STXBP5: variants seen among roughly 807,000 people sequenced by gnomAD.
STXBP5 encodes the protein syntaxin binding protein 5.
A neutral mutation model predicts 152.4 loss-of-function variants in STXBP5; 50 were observed. That is an observed-to-expected ratio of 0.33 (90% CI 0.26 to 0.42). The LOEUF (loss-of-function observed/expected upper bound fraction) is 0.42. STXBP5 is among the 10% of genes least tolerant of loss of function. The pLI, the probability that STXBP5 is intolerant of heterozygous loss-of-function variation, is 1.00. For synonymous variants in STXBP5, 492 were observed against 494.7 expected (o/e 0.99, Z 0.07); for missense variants, 1,167 against 1,388.6 (o/e 0.84, Z 2.54).
chr6:147,324,540 G>T (rs2128384589), intron 16 of STXBP5, among the ~76,000 whole-genome samples: 1 of 152,072 alleles, frequency 6.6e-6, no homozygotes, highest in East Asian at 1.9e-4. Context: ...AAAGTGCTGG[G>T]ATTACAGGCG....
chr6:147,309,610 G>C (rs1322280622), intron 9 of STXBP5, among the ~76,000 whole-genome samples: 1 of 152,104 alleles, frequency 6.6e-6, no homozygotes, highest in African/African-American at 2.4e-5. Context: ...GGCATGATTT[G>C]AGTGACTTCG....
rs1782271822 is a variant in STXBP5, at chr6:147,309,745, C to T, written c.918-339C>T. Among the ~76,000 whole-genome samples the T allele has an allele frequency of 2.0e-5, 3 of 151,796 alleles. No individual in the cohort carries two copies. In the South Asian group the frequency reaches 6.3e-4, roughly 32 times the overall value. ...TCTGTGGGAGCTTCTATTGAGAAGG[C>T]CTGGTTAGGATTGGAAGTCAAAGCA... is the stretch of plus-strand genomic sequence containing the variant. On this transcript the variant is annotated intron_variant, in intron 9 of 27. Coordinates refer to ENST00000321680, the MANE Select transcript of STXBP5 (RefSeq NM_001127715.4).
chr6:147,346,384 C>T (rs1327529416), intron 21 of STXBP5, among the ~76,000 whole-genome samples: 1 of 152,092 alleles, frequency 6.6e-6, no homozygotes, highest in Non-Finnish European at 1.5e-5. Context: ...AGTGGTCTTG[C>T]CATCAAGGAG....
At position 147,363,620 on chromosome 6, in the gene STXBP5, T is replaced by G. The variant is rs778139463; in HGVS notation, c.2831T>G (p.Phe944Cys). The part of the protein sequence containing the change: ...AYKQNITETS[F>C]VLRGDIVALS... ...AAGCAAAATATTACAGAGACCTCGT[T>G]TGTGCTTCGTGGAGATATTGTAGCA... is the stretch of plus-strand genomic sequence containing the variant. Residue 944 changes from phenylalanine to cysteine, a missense_variant, in exon 24 of 28, where the codon TTT (phenylalanine) becomes TGT (cysteine). By Grantham distance (205) the Phe-to-Cys change is radical. Coordinates refer to ENST00000321680, the MANE Select transcript of STXBP5 (RefSeq NM_001127715.4). The G allele has an allele frequency of 6.2e-7, 1 of 1,614,158 alleles. No individual in the cohort carries two copies. Among genetic ancestry groups the G allele is most frequent in the South Asian group, 1.1e-5 (1 of 91,082 alleles).
intron 8 of STXBP5, among the ~76,000 whole-genome samples, chr6:147,288,121 C>T (rs1781084908): frequency 6.6e-6 from 1 of 152,102 alleles, no homozygotes; most frequent in African/African-American, 2.4e-5. Flanking sequence ...GTTCCATTTG[C>T]CTCAACTGAA....
intron 4 of STXBP5, among the ~76,000 whole-genome samples, chr6:147,256,216 G>A (rs1779355514): frequency 6.6e-6 from 1 of 152,210 alleles, no homozygotes; most frequent in African/African-American, 2.4e-5. Flanking sequence ...TGCTCCATAA[G>A]TGTCTTCTAC....
At chr6:147,254,318 A>C (rs1779249663) in intron 4 of STXBP5, among the ~76,000 whole-genome samples, 1 of 152,232 alleles carries the variant, frequency 6.6e-6, no homozygotes, top group Non-Finnish European at 1.5e-5. Flanking sequence ...ATTTTAATGT[A>C]AGACCTAAAA....
At chr6:147,346,320 A>T (rs554041771) in intron 21 of STXBP5, among the ~76,000 whole-genome samples, 1 of 152,340 alleles carries the variant, frequency 6.6e-6, no homozygotes, top group South Asian at 2.1e-4. Flanking sequence ...TACAGAGTAC[A>T]AGCCAGGAGG....
At chr6:147,251,331 CCCT>C (rs57778425) in intron 4 of STXBP5, among the ~76,000 whole-genome samples, 79,169 of 151,810 alleles carry the variant, frequency 0.52, 21,189 homozygotes, top group East Asian at 0.72. Flanking sequence ...GCCAACAGGG[CCCT>C]CCTGGGTTTC....
intron 21 of STXBP5, among the ~76,000 whole-genome samples, chr6:147,340,581 A>G (rs1784045387): frequency 6.6e-6 from 1 of 152,210 alleles, no homozygotes; most frequent in South Asian, 2.1e-4. Flanking sequence ...TTGTCATATT[A>G]TGCAAAAAGA....
intron 2 of STXBP5, among the ~76,000 whole-genome samples, chr6:147,230,071 G>A (rs1777917204): frequency 6.6e-6 from 1 of 151,804 alleles, no homozygotes; most frequent in African/African-American, 2.4e-5. Flanking sequence ...AATGATAAAA[G>A]GGTGTTGATT....
Position 147,389,406 on chromosome 6 carries a change from TAC to T in STXBP5, c.*4653_*4654del. The T allele has an allele frequency of 6.6e-6, 1 of 151,974 alleles. No individual in the cohort carries two copies. The highest frequency in any genetic ancestry group is 2.4e-5 in the African/African-American group (1 of 41,544). 9.4% of individuals were successfully genotyped at this position (151,974 alleles called of 1,614,324 possible). A position where few individuals can be genotyped will look rare whatever the true frequency, so the allele number is the denominator to read the frequency against. On this transcript the variant is annotated 3_prime_UTR_variant, in exon 28 of 28. Transcript: ENST00000321680. ...TAACATTGCTTTCTTCAGTTATTAATACAGTCAAATTAATTTTAACAATATAG... is the reference window on the plus strand; with the variant it reads ...TAACATTGCTTTCTTCAGTTATTAATAGTCAAATTAATTTTAACAATATAG...
intron 18 of STXBP5, among the ~76,000 whole-genome samples, chr6:147,333,105 G>A (rs1783659904): frequency 6.6e-6 from 1 of 152,142 alleles, no homozygotes; most frequent in Admixed American, 6.5e-5. Context: ...AAGAGTACAT[G>A]TATATAAACA....
chr6:147,371,926 A>G (rs1785558699), intron 25 of STXBP5, among the ~76,000 whole-genome samples: 1 of 152,142 alleles, frequency 6.6e-6, no homozygotes, highest in Non-Finnish European at 1.5e-5. Context: ...AATTTAATAC[A>G]TATAGTTTAA....
At chr6:147,295,175 C>G (rs1214993291) in intron 9 of STXBP5, among the ~76,000 whole-genome samples, 2 of 152,168 alleles carry the variant, frequency 1.3e-5, no homozygotes, top group African/African-American at 2.4e-5. Flanking sequence ...CTACTTTACA[C>G]TTTTCTTTTC....
At chr6:147,316,481 A>G (rs139283028) in intron 16 of STXBP5, 74 bp downstream of exon 16, 7 of 1,282,738 alleles carry the variant, frequency 5.5e-6, no homozygotes, top group South Asian at 4.4e-5. Flanking sequence ...CATTAGAGCT[A>G]TGGTAACATT....
rs1311061331 is a variant in STXBP5, at chr6:147,330,454, A to G, written c.2080+3178A>G. Among the ~76,000 whole-genome samples, 4 of 152,158 alleles carry G rather than the reference A, an allele frequency of 2.6e-5. No homozygotes were observed. The East Asian group carries it at 5.8e-4, about 22-fold the overall frequency. ...TCCTTTATGTAAATGAGGCAGACCA[A>G]GCAATAATAAAAAGAATATCAAGAT... On this transcript the variant is annotated intron_variant, in intron 18 of 27. Transcript: ENST00000321680.
chr6:147,371,989 G>A (rs559441732), intron 25 of STXBP5, among the ~76,000 whole-genome samples: 1 of 152,156 alleles, frequency 6.6e-6, no homozygotes, highest in South Asian at 2.1e-4. Context: ...GCCTAAAATT[G>A]CCTTTGTTAT....
intron 27 of STXBP5, 87 bp from the exon 28 acceptor site, chr6:147,384,627 A>C: frequency 7.4e-7 from 1 of 1,345,174 alleles, no homozygotes; most frequent in Admixed American, 1.8e-5. Context: ...AGAATGACAT[A>C]ATGTTTTGGA....
Sources: gnomAD v4.1 joint callset for allele counts (sites outside exome capture counted in the v4.1 genomes callset) on GRCh38, gnomAD v4.1.1 for gene constraint, MANE v1.5 for transcripts, NCBI Gene and HGNC (gene_info 2026-07-23, HGNC 2026-07-21) for gene names.